Variants in SULT6B1 observed in about 807,000 individuals in gnomAD.
The protein encoded by SULT6B1 is sulfotransferase 6B1.
Under a neutral mutation model 37.2 loss-of-function variants are expected in SULT6B1, and 44 were observed. The ratio of observed to expected loss-of-function variants is 1.18; its 90% CI spans 0.93 to 1.52. The LOEUF is 1.52. Among genes scored for constraint, SULT6B1 ranks in the 40% most tolerant of loss-of-function variants. SULT6B1 has a pLI of 0.00. For synonymous variants in SULT6B1, 140 were observed against 126.0 expected, an observed-to-expected ratio of 1.11 and a Z score of -0.74; for missense variants, 450 against 361.0, an observed-to-expected ratio of 1.25 and a Z score of -2.00.
chr2:37,171,438 G>A lies in SULT6B1; in HGVS notation c.777C>T (p.Arg259=). 1 of 1,613,116 alleles carries A rather than the reference G, an allele frequency of 6.2e-7. No individual in the cohort carries two copies. Among genetic ancestry groups the A allele is most frequent in the Non-Finnish European group, 8.5e-7 (1 of 1,179,576 alleles). Residue 259 remains arginine (R), a synonymous_variant, in exon 6 of 7, where the codon CGC becomes CGT. Transcript: ENST00000535679. The part of the protein sequence containing the change: ...THGAVGPFLF[R]KGEVGDWKNL... ...CAGAAACCAATGCGACTTTACCTTTGCGGAAAAGGAATGGGCCGACAGCAC... is the reference window on the plus strand; with the variant it reads ...CAGAAACCAATGCGACTTTACCTTTACGGAAAAGGAATGGGCCGACAGCAC...
upstream of SULT6B1, among the ~76,000 whole-genome samples, chr2:37,192,715 T>C (rs1185657224): frequency 6.6e-6 from 1 of 152,224 alleles, no homozygotes; most frequent in East Asian, 1.9e-4. Context: ...GATTCAAACA[T>C]AGTTGTTGTT....
chr2:37,174,170 C>T (rs1572456504), intron 5 of SULT6B1, among the ~76,000 whole-genome samples: 1 of 151,980 alleles, frequency 6.6e-6, no homozygotes, highest in Non-Finnish European at 1.5e-5. Flanking sequence ...CCCCACTTCC[C>T]TCAGATCTTT....
intron 3 of SULT6B1, among the ~76,000 whole-genome samples, chr2:37,182,930 TCAC>T (rs1293232880): frequency 6.6e-6 from 1 of 152,162 alleles, no homozygotes; most frequent in African/African-American, 2.4e-5. Context: ...GCCTGTAATC[TCAC>T]CACTTTGGGA....
At position 37,188,578 on chromosome 2, in the gene SULT6B1, A is replaced by G; in HGVS notation, c.63T>C (p.Thr21=). The G allele has an allele frequency of 6.3e-7, 1 of 1,575,788 alleles. No homozygotes were observed. The highest frequency in any genetic ancestry group is 8.7e-7 in the Non-Finnish European group (1 of 1,145,054). Residue 21 remains threonine, a synonymous_variant, in exon 1 of 7, where the codon ACT becomes ACC. Coordinates refer to ENST00000535679, the MANE Select transcript of SULT6B1 (RefSeq NM_001367551.1). ...IDEALEKSKE[T]ALSHLFFTYQ... ...AGGTGAAAAATAAATGAGAGAGTGC[A>G]GTTTCTTTTGATTTTTCTAAAGCTT...
upstream of SULT6B1, among the ~76,000 whole-genome samples, chr2:37,190,190 C>T (rs1188016138): frequency 6.6e-6 from 1 of 152,216 alleles, no homozygotes; most frequent in Non-Finnish European, 1.5e-5. Context: ...TCATAATTTA[C>T]TCTTTGGCCT....
intron 1 of SULT6B1, among the ~76,000 whole-genome samples, chr2:37,195,608 G>A (rs1206670970): frequency 1.3e-5 from 2 of 152,048 alleles, no homozygotes; most frequent in Admixed American, 6.6e-5. Flanking sequence ...AGTTATTTGT[G>A]GTAAATACCC....
chr2:37,184,307 A>G (rs1006583968), intron 2 of SULT6B1, among the ~76,000 whole-genome samples: 1 of 152,248 alleles, frequency 6.6e-6, no homozygotes, highest in African/African-American at 2.4e-5. Flanking sequence ...ACCTGAAAGT[A>G]CAGAGTTACT....
chr2:37,189,647 T>C (rs1005357814), upstream of SULT6B1, among the ~76,000 whole-genome samples: 1 of 152,200 alleles, frequency 6.6e-6, no homozygotes, highest in African/African-American at 2.4e-5. Context: ...TTCCCTTTTC[T>C]AGTGTAGTGC....
intron 2 of SULT6B1, among the ~76,000 whole-genome samples, chr2:37,186,634 A>G (rs116712476): frequency 0.023 from 3,527 of 152,182 alleles, 66 homozygotes; most frequent in Middle Eastern, 0.054. Flanking sequence ...GCTCATGCCC[A>G]TAATCTCAGC....
chr2:37,171,964 A>G (rs572650479), intron 5 of SULT6B1, among the ~76,000 whole-genome samples: 1 of 152,152 alleles, frequency 6.6e-6, no homozygotes, highest in Non-Finnish European at 1.5e-5. Flanking sequence ...GCTCATTTGA[A>G]TTCTCTTTTT....
At chr2:37,169,738 C>G (rs1359988367) in intron 6 of SULT6B1, among the ~76,000 whole-genome samples, 1 of 152,200 alleles carries the variant, frequency 6.6e-6, no homozygotes, top group African/African-American at 2.4e-5. Flanking sequence ...CATGATCCAC[C>G]TGCCTCGGCC....
Position 37,182,880 on chromosome 2 carries a change from T to C in SULT6B1, c.402+545A>G, listed in dbSNP as rs555655901. Reference sequence around the variant, plus strand: ...GTGAAGTTTGTTACTACATGTGAAATTCAAAAATAAAATAGTTTCAGCGAG... The same window carrying C: ...GTGAAGTTTGTTACTACATGTGAAACTCAAAAATAAAATAGTTTCAGCGAG... On this transcript the variant is annotated intron_variant, in intron 3 of 6. Coordinates refer to ENST00000535679, the MANE Select transcript of SULT6B1 (RefSeq NM_001367551.1). Among the ~76,000 whole-genome samples the C allele has an allele frequency of 3.9e-5, 6 of 152,314 alleles. No individual in the cohort carries two copies. In the South Asian group the frequency reaches 1.2e-3, roughly 32 times the overall value.
At chr2:37,178,893 C>T (rs1171287799) in intron 4 of SULT6B1, among the ~76,000 whole-genome samples, 1 of 152,114 alleles carries the variant, frequency 6.6e-6, no homozygotes. Flanking sequence ...CTCTTTGTCC[C>T]ATGTCTTTTC....
At chr2:37,183,890 C>A (rs1317355764) in intron 2 of SULT6B1, among the ~76,000 whole-genome samples, 1 of 152,138 alleles carries the variant, frequency 6.6e-6, no homozygotes, top group Non-Finnish European at 1.5e-5. Context: ...GTAATCTGCT[C>A]GCCTCAGCCT....
At chr2:37,171,352 A>C in intron 6 of SULT6B1, 82 bp downstream of exon 6, 1 of 1,500,522 alleles carries the variant, frequency 6.7e-7, no homozygotes, top group Non-Finnish European at 9.0e-7. Flanking sequence ...TATCTGACTT[A>C]AGATGAAGTT....
intron 6 of SULT6B1, among the ~76,000 whole-genome samples, chr2:37,171,176 G>C (rs1436944687): frequency 6.6e-6 from 1 of 152,090 alleles, no homozygotes; most frequent in Non-Finnish European, 1.5e-5. Flanking sequence ...GGAGGCGGAG[G>C]TTGCAGTGAG....
At chr2:37,188,963 C>T (rs1031164249), upstream of SULT6B1, among the ~76,000 whole-genome samples, 3 of 152,192 alleles carry the variant, frequency 2.0e-5, no homozygotes, top group Admixed American at 2.0e-4. Context: ...GGTATTTAAT[C>T]AGGCATGCAA....
chr2:37,182,680 G>T (rs962938016), intron 3 of SULT6B1, among the ~76,000 whole-genome samples: 4 of 152,002 alleles, frequency 2.6e-5, no homozygotes, highest in African/African-American at 9.7e-5. Context: ...TTTCTTCTGA[G>T]ACAGAAAAAA....
At chr2:37,179,159 C>T (rs1159373763) in intron 4 of SULT6B1, among the ~76,000 whole-genome samples, 3 of 152,076 alleles carry the variant, frequency 2.0e-5, no homozygotes, top group East Asian at 3.9e-4. Context: ...GGGGTTTCAC[C>T]GTGTTAGCCA....
Sources: allele counts gnomAD v4.1 joint callset (sites outside exome capture counted in the v4.1 genomes callset), GRCh38; gene constraint gnomAD v4.1.1; transcripts MANE v1.5; gene names NCBI Gene and HGNC (gene_info 2026-07-23, HGNC 2026-07-21).